Variants in RALYL observed in about 807,000 individuals in gnomAD.
RALYL encodes the protein RNA-binding Raly-like protein.
In RALYL, 29 loss-of-function variants were observed where a neutral mutation model predicts 35.1. The observed-to-expected ratio is 0.83, with a 90% confidence interval of 0.61 to 1.13. RALYL has a LOEUF of 1.13. Among genes scored for constraint, RALYL ranks in the 50% most tolerant of loss-of-function variants. The pLI, the probability that RALYL is intolerant of heterozygous loss-of-function variation, is 0.00. For missense variants in RALYL, 359 were observed against 360.4 expected (o/e 1.00, Z 0.03); for synonymous variants, 120 against 127.6 (o/e 0.94, Z 0.40).
chr8:84,576,501 C>A (rs777308609), intron 2 of RALYL, among the ~76,000 whole-genome samples: 4 of 152,086 alleles, frequency 2.6e-5, no homozygotes, highest in Admixed American at 2.0e-4. Context: ...AAATTGAATG[C>A]CTTAAGGTAA....
chr8:84,722,581 A>G (rs1394556903), intron 2 of RALYL, among the ~76,000 whole-genome samples: 7 of 141,924 alleles, frequency 4.9e-5, no homozygotes, highest in African/African-American at 2.7e-5. Context: ...TGTCAGAACT[A>G]CAATGTCTCA....
At chr8:84,219,805 T>C (rs1038291070) in intron 1 of RALYL, among the ~76,000 whole-genome samples, 6 of 151,930 alleles carry the variant, frequency 3.9e-5, no homozygotes, top group African/African-American at 1.4e-4. Context: ...AATGAAGATA[T>C]TGGAAGCAGA....
At chr8:84,598,633 T>TTA (rs1815175595) in intron 2 of RALYL, among the ~76,000 whole-genome samples, 1 of 152,124 alleles carries the variant, frequency 6.6e-6, no homozygotes, top group Non-Finnish European at 1.5e-5. Context: ...TTAAAATGTC[T>TTA]TATATATATC....
intron 8 of RALYL, among the ~76,000 whole-genome samples, chr8:84,905,106 G>GC (rs1846268685): frequency 6.6e-6 from 1 of 151,986 alleles, no homozygotes; most frequent in Non-Finnish European, 1.5e-5. Flanking sequence ...ATTTCTCTCT[G>GC]CCCCCTGGTA....
chr8:84,693,161 T>C lies in RALYL; in HGVS notation c.257-81418T>C, dbSNP rs547813220. 1.1e-4 allele frequency among the ~76,000 whole-genome samples: 16 copies of C among 152,118 alleles called. No homozygotes were observed. In the South Asian group the frequency reaches 2.9e-3, roughly 28 times the overall value. ...ATAAATATTTGTAGAGCAACTAATA[T>C]ATCTCGGACACTGGCTGGCTGTTGG... On this transcript the variant is annotated intron_variant, in intron 2 of 8. Transcript: ENST00000521268.
intron 2 of RALYL, among the ~76,000 whole-genome samples, chr8:84,650,577 T>G (rs1435187414): frequency 5.3e-5 from 8 of 151,860 alleles, no homozygotes; most frequent in Non-Finnish European, 2.9e-5. Context: ...AAACAACAGG[T>G]GCTGGAGAGG....
chr8:84,667,414 T>C (rs1371079405), intron 2 of RALYL, among the ~76,000 whole-genome samples: 2 of 152,142 alleles, frequency 1.3e-5, no homozygotes, highest in Non-Finnish European at 2.9e-5. Flanking sequence ...CTTTTACTCC[T>C]TCTTAGTATA....
chr8:84,844,260 A>G (rs1246250235), intron 4 of RALYL, among the ~76,000 whole-genome samples: 1 of 152,236 alleles, frequency 6.6e-6, no homozygotes, highest in Non-Finnish European at 1.5e-5. Context: ...ATGAACTCAA[A>G]CAAATTTACA....
At chr8:84,637,348 G>A (rs1222585036) in intron 2 of RALYL, among the ~76,000 whole-genome samples, 2 of 151,870 alleles carry the variant, frequency 1.3e-5, no homozygotes, top group Non-Finnish European at 2.9e-5. Context: ...GGAAGTAGTA[G>A]TAGTAGTAGT....
rs575942534 is a variant in RALYL, at chr8:84,586,410, C to A, written c.256+56833C>A. Among the ~76,000 whole-genome samples, 31 of 152,228 alleles carry A rather than the reference C, an allele frequency of 2.0e-4. No homozygotes were observed. In the South Asian group the frequency reaches 5.2e-3, roughly 25 times the overall value. On this transcript the variant is annotated intron_variant, in intron 2 of 8. Coordinates refer to ENST00000521268, the MANE Select transcript of RALYL (RefSeq NM_173848.7). The stretch of plus-strand genomic sequence containing the variant: ...AAAGACATAGAGCAGAAATTTCATT[C>A]CAAGTCTGCCAGGCACATCAAGGCT...
intron 1 of RALYL, among the ~76,000 whole-genome samples, chr8:84,373,533 G>C (rs1438515675): frequency 6.6e-6 from 1 of 151,882 alleles, no homozygotes; most frequent in East Asian, 1.9e-4. Flanking sequence ...AGTTCTAAGT[G>C]TGTGGCCTCA....
intron 1 of RALYL, among the ~76,000 whole-genome samples, chr8:84,259,498 C>G (rs1831800200): frequency 6.6e-6 from 1 of 152,062 alleles, no homozygotes; most frequent in Non-Finnish European, 1.5e-5. Context: ...AGTTAAGCGA[C>G]TTGAACAGGG....
At chr8:84,587,974 A>G (rs949724131) in intron 2 of RALYL, among the ~76,000 whole-genome samples, 1 of 152,102 alleles carries the variant, frequency 6.6e-6, no homozygotes, top group Admixed American at 6.5e-5. Flanking sequence ...TCAGCCTCCT[A>G]AAGAGTATGA....
chr8:84,816,925 A>T (rs1262466267), intron 4 of RALYL, among the ~76,000 whole-genome samples: 6 of 152,162 alleles, frequency 3.9e-5, no homozygotes, highest in Non-Finnish European at 8.8e-5. Context: ...ACATTAGAAA[A>T]TTTTAAAATT....
At chr8:84,621,931 T>C (rs1253717884) in intron 2 of RALYL, among the ~76,000 whole-genome samples, 1 of 152,206 alleles carries the variant, frequency 6.6e-6, no homozygotes, top group African/African-American at 2.4e-5. Flanking sequence ...CTATGACTTT[T>C]TGGTAAGGCT....
At chr8:84,630,095 A>G (rs1369835703) in intron 2 of RALYL, among the ~76,000 whole-genome samples, 3 of 152,086 alleles carry the variant, frequency 2.0e-5, no homozygotes, top group African/African-American at 7.2e-5. Context: ...TATATGATTT[A>G]GAATTTTTTC....
At chr8:84,875,892 T>C (rs1841041414) in intron 7 of RALYL, among the ~76,000 whole-genome samples, 1 of 152,148 alleles carries the variant, frequency 6.6e-6, no homozygotes. Flanking sequence ...AATTTCTCAC[T>C]CCTAATTTAC....
intron 5 of RALYL, among the ~76,000 whole-genome samples, chr8:84,859,150 C>G (rs919367830): frequency 1.3e-5 from 2 of 152,148 alleles, no homozygotes; most frequent in Non-Finnish European, 2.9e-5. Context: ...TTTAAATACT[C>G]TCTACAGGTT....
intron 1 of RALYL, among the ~76,000 whole-genome samples, chr8:84,270,692 C>T (rs1031564643): frequency 6.6e-6 from 1 of 152,084 alleles, no homozygotes; most frequent in Non-Finnish European, 1.5e-5. Flanking sequence ...TTTTATTCCA[C>T]ACTTTTTATT....
Sources: gnomAD v4.1 joint callset for allele counts (sites outside exome capture counted in the v4.1 genomes callset) on GRCh38, gnomAD v4.1.1 for gene constraint, MANE v1.5 for transcripts, NCBI Gene and HGNC (gene_info 2026-07-23, HGNC 2026-07-21) for gene names.